The following SLC2A13 variants were observed in gnomAD, a reference collection of about 807,000 sequenced individuals.
SLC2A13 encodes the protein proton myo-inositol cotransporter.
Under a neutral mutation model 64.4 loss-of-function variants are expected in SLC2A13, and 32 were observed. The observed-to-expected ratio is 0.50, with a 90% CI of 0.37 to 0.67. SLC2A13 has a LOEUF of 0.67. SLC2A13 is among the 30% of genes least tolerant of loss of function. SLC2A13 has a pLI of 0.00. For synonymous variants in SLC2A13, 338 were observed against 327.1 expected (o/e 1.03, Z -0.36); for missense variants, 743 against 829.2 (o/e 0.90, Z 1.28).
At chr12:40,002,668 GAAT>G (rs1034725907) in intron 3 of SLC2A13, among the ~76,000 whole-genome samples, 4 of 152,150 alleles carry the variant, frequency 2.6e-5, no homozygotes, top group African/African-American at 9.7e-5. Context: ...GAGACTCTGA[GAAT>G]AATATGACAC....
Position 39,861,988 on chromosome 12 carries a change from C to CT in SLC2A13, c.1319+2773_1319+2774insA, listed in dbSNP as rs1210731192. On this transcript the variant is annotated intron_variant, in intron 6 of 9. Transcript: ENST00000280871. ...ATCAACCCATCACCTAGGTATTAAG[C>CT]CCCGCATGCATTAGCTATTTATCCA... 2.0e-5 allele frequency among the ~76,000 whole-genome samples: 3 copies of CT among 152,246 alleles called. No homozygotes were observed. The East Asian group carries it at 5.8e-4, about 29-fold the overall frequency.
chr12:40,105,949 AGCAGCCGCCGCCACGGCC>A lies in SLC2A13; in HGVS notation c.-159_-142del. On this transcript the variant is annotated 5_prime_UTR_variant, in exon 1 of 10. Coordinates refer to ENST00000280871, the MANE Select transcript of SLC2A13 (RefSeq NM_052885.4). The surrounding 1 kb of genome is among the most constrained non-coding windows in gnomAD (Gnocchi z 4.2). ...CGGCTTCCGCTCCGGCTGCCACGGC[AGCAGCCGCCGCCACGGCC>A]GCTCCGGGGAGAAAGTTGCTGCCCG... 1 of 1,069,880 alleles carries A rather than the reference AGCAGCCGCCGCCACGGCC, an allele frequency of 9.3e-7. No individual in the cohort carries two copies. Among genetic ancestry groups the A allele is most frequent in the Non-Finnish European group, 1.2e-6 (1 of 825,636 alleles). The allele number at this position is 1,069,880 out of a possible 1,614,324, so 66.3% of individuals were successfully genotyped here. A position where few individuals can be genotyped will look rare whatever the true frequency, so the allele number is the denominator to read the frequency against.
chr12:39,851,609 G>A (rs977875801), intron 6 of SLC2A13, among the ~76,000 whole-genome samples: 1 of 152,124 alleles, frequency 6.6e-6, no homozygotes, highest in African/African-American at 2.4e-5. Context: ...GGAGTAATAG[G>A]TTTCTACAGT....
chr12:40,022,520 G>A (rs527267040), intron 3 of SLC2A13, among the ~76,000 whole-genome samples: 1 of 152,310 alleles, frequency 6.6e-6, no homozygotes, highest in South Asian at 2.1e-4. Context: ...TGATCTAGAT[G>A]ATCTAGGTAA....
chr12:40,005,372 T>C (rs1436803612), intron 3 of SLC2A13, among the ~76,000 whole-genome samples: 1 of 152,158 alleles, frequency 6.6e-6, no homozygotes, highest in Non-Finnish European at 1.5e-5. Context: ...TGCAGGCATC[T>C]GGAGGCTCCT....
chr12:39,784,197 C>T (rs1941101877), intron 7 of SLC2A13, among the ~76,000 whole-genome samples: 1 of 152,172 alleles, frequency 6.6e-6, no homozygotes, highest in Non-Finnish European at 1.5e-5. Flanking sequence ...CTACCAATGA[C>T]TTTCTTCACA....
At chr12:39,844,400 C>T (rs185645299) in intron 6 of SLC2A13, among the ~76,000 whole-genome samples, 71 of 152,044 alleles carry the variant, frequency 4.7e-4, no homozygotes, top group African/African-American at 1.6e-3. Context: ...TAAAATGTAA[C>T]GATAAAGTTC....
At position 40,031,230 on chromosome 12, in the gene SLC2A13, A is replaced by AT. The variant is rs1224118014; in HGVS notation, c.717-2722dup. ...GTTACTTACACCATTTTATTTATTT[A>AT]TTTATTTTTTTAGATGGAGTCTCAC... On this transcript the variant is annotated intron_variant, in intron 2 of 9. Coordinates refer to ENST00000280871, the MANE Select transcript of SLC2A13 (RefSeq NM_052885.4). Among the ~76,000 whole-genome samples, 8 of 151,706 alleles carry AT rather than the reference A, an allele frequency of 5.3e-5. No individual in the cohort carries two copies. In the South Asian group the frequency reaches 6.2e-4, roughly 12 times the overall value.
intron 3 of SLC2A13, among the ~76,000 whole-genome samples, chr12:40,020,516 C>T (rs1364826822): frequency 6.6e-6 from 1 of 152,184 alleles, no homozygotes; most frequent in Admixed American, 6.6e-5. Flanking sequence ...AATTAAACCT[C>T]TTGTCTTTAT....
chr12:39,972,434 C>T (rs1946679894), intron 3 of SLC2A13, among the ~76,000 whole-genome samples: 1 of 152,160 alleles, frequency 6.6e-6, no homozygotes, highest in Non-Finnish European at 1.5e-5. Flanking sequence ...GAAACAGAAG[C>T]AATTAGAAGA....
At chr12:39,894,171 A>C (rs146593771) in intron 4 of SLC2A13, among the ~76,000 whole-genome samples, 1 of 152,336 alleles carries the variant, frequency 6.6e-6, no homozygotes, top group African/African-American at 2.4e-5. Flanking sequence ...CAGCTCAATG[A>C]ACTAAATTGA....
intron 1 of SLC2A13, among the ~76,000 whole-genome samples, chr12:40,074,230 A>T (rs1938078937): frequency 6.8e-6 from 1 of 147,958 alleles, no homozygotes; most frequent in South Asian, 2.1e-4. Flanking sequence ...CATGGGTGTG[A>T]TCACAGCTCA....
intron 4 of SLC2A13, chr12:39,907,801 G>T (rs1255224977): frequency 1.3e-5 from 2 of 152,158 alleles, no homozygotes; most frequent in Non-Finnish European, 2.9e-5. Context: ...CCACTGGAAT[G>T]AACCTGCCTG....
intron 1 of SLC2A13, among the ~76,000 whole-genome samples, chr12:40,059,819 C>T (rs1024047043): frequency 1.3e-5 from 2 of 152,034 alleles, no homozygotes; most frequent in African/African-American, 4.8e-5. Flanking sequence ...TCTTCTTGAC[C>T]CTTCTGTGTG....
chr12:40,020,972 T>C (rs1354845758), intron 3 of SLC2A13, among the ~76,000 whole-genome samples: 1 of 151,812 alleles, frequency 6.6e-6, no homozygotes, highest in Non-Finnish European at 1.5e-5. Flanking sequence ...CAGTAAAATA[T>C]AGTATGAACC....
At chr12:40,030,926 C>T (rs995295404) in intron 2 of SLC2A13, among the ~76,000 whole-genome samples, 1 of 152,102 alleles carries the variant, frequency 6.6e-6, no homozygotes, top group Non-Finnish European at 1.5e-5. Flanking sequence ...GGAATTTGTA[C>T]CCTCCTGCCA....
chr12:39,821,975 T>G (rs1942528203), intron 7 of SLC2A13, among the ~76,000 whole-genome samples: 2 of 152,054 alleles, frequency 1.3e-5, no homozygotes, highest in South Asian at 4.1e-4. Context: ...ATGTGCAGGT[T>G]AGTTACATAT....
At chr12:39,781,530 C>T (rs1940983587) in intron 7 of SLC2A13, among the ~76,000 whole-genome samples, 1 of 152,218 alleles carries the variant, frequency 6.6e-6, no homozygotes, top group Non-Finnish European at 1.5e-5. Flanking sequence ...TTCACCATTT[C>T]ACAAATGTAA....
At chr12:39,935,295 T>C (rs765411285) in intron 4 of SLC2A13, among the ~76,000 whole-genome samples, 28 of 152,210 alleles carry the variant, frequency 1.8e-4, no homozygotes, top group African/African-American at 5.8e-4. Context: ...TCATTAGATA[T>C]GTCATTATAG....
Sources: allele counts gnomAD v4.1 joint callset (sites outside exome capture counted in the v4.1 genomes callset), GRCh38; gene constraint gnomAD v4.1.1; non-coding constraint Gnocchi (gnomAD v3.1); transcripts MANE v1.5; gene names NCBI Gene and HGNC (gene_info 2026-07-23, HGNC 2026-07-21).